The following SLC44A1 variants were observed in gnomAD, a reference collection of about 807,000 sequenced individuals.
SLC44A1 encodes the protein solute carrier family 44 member 1.
In SLC44A1, 26 loss-of-function variants were observed where a neutral mutation model predicts 79.3. That is an observed-to-expected ratio of 0.33 (90% CI 0.24 to 0.46). The LOEUF (loss-of-function observed/expected upper bound fraction) is 0.46. Ranked by LOEUF, SLC44A1 falls within the 20% of genes least tolerant of loss-of-function variation. The pLI is 1.00. For synonymous variants in SLC44A1, 263 were observed against 286.2 expected, an observed-to-expected ratio of 0.92 and a Z score of 0.82; for missense variants, 688 against 798.1, an observed-to-expected ratio of 0.86 and a Z score of 1.66.
intron 4 of SLC44A1, among the ~76,000 whole-genome samples, chr9:105,346,468 C>T (rs539295053): frequency 2.7e-4 from 41 of 152,204 alleles, no homozygotes; most frequent in African/African-American, 9.4e-4. Context: ...TTGTGCAAAT[C>T]GATTCCATCT....
At chr9:105,327,607 G>A (rs536813496) in intron 3 of SLC44A1, among the ~76,000 whole-genome samples, 1 of 152,144 alleles carries the variant, frequency 6.6e-6, no homozygotes, top group Non-Finnish European at 1.5e-5. Context: ...CAGCTTGCCT[G>A]TCCAGCCGTC....
At chr9:105,307,753 G>A (rs1831071737) in intron 2 of SLC44A1, among the ~76,000 whole-genome samples, 1 of 152,088 alleles carries the variant, frequency 6.6e-6, no homozygotes, top group Admixed American at 6.5e-5. Flanking sequence ...GGAATTCAAA[G>A]ATATGCTTAA....
chr9:105,290,692 G>A (rs1055700488), intron 1 of SLC44A1, among the ~76,000 whole-genome samples: 1 of 152,170 alleles, frequency 6.6e-6, no homozygotes, highest in Non-Finnish European at 1.5e-5. Flanking sequence ...GGAATTGGAG[G>A]CAGAATGAAG....
At chr9:105,253,385 G>C (rs1199850270) in intron 1 of SLC44A1, among the ~76,000 whole-genome samples, 1 of 152,160 alleles carries the variant, frequency 6.6e-6, no homozygotes, top group Admixed American at 6.5e-5. Context: ...TCATGATTAT[G>C]ATCTCAGAAA....
At chr9:105,273,212 G>A (rs913682631) in intron 1 of SLC44A1, among the ~76,000 whole-genome samples, 1 of 152,050 alleles carries the variant, frequency 6.6e-6, no homozygotes, top group Admixed American at 6.6e-5. Context: ...GGCTCATCTC[G>A]AACTCCCGAC....
chr9:105,310,138 A>G (rs1293810863), intron 3 of SLC44A1, among the ~76,000 whole-genome samples: 1 of 151,494 alleles, frequency 6.6e-6, no homozygotes, highest in East Asian at 1.9e-4. Flanking sequence ...TGAAAAGGTT[A>G]TTCTTTTACT....
At chr9:105,434,335 C>T (rs1829436760) in intron 15 of SLC44A1, among the ~76,000 whole-genome samples, 1 of 149,656 alleles carries the variant, frequency 6.7e-6, no homozygotes, top group Non-Finnish European at 1.5e-5. Flanking sequence ...AGCGAGACTC[C>T]ATCTCAAAAA....
intron 1 of SLC44A1, among the ~76,000 whole-genome samples, chr9:105,267,076 A>G (rs1356219497): frequency 6.6e-6 from 1 of 152,126 alleles, no homozygotes; most frequent in African/African-American, 2.4e-5. Flanking sequence ...TTACTGAGAA[A>G]GGCTCCATGA....
chr9:105,252,347 A>C (rs1829607783), intron 1 of SLC44A1, among the ~76,000 whole-genome samples: 1 of 152,210 alleles, frequency 6.6e-6, no homozygotes, highest in African/African-American at 2.4e-5. Context: ...GTAGGTACTC[A>C]TGAAATATTT....
At chr9:105,415,454 A>C (rs527972231) in intron 15 of SLC44A1, among the ~76,000 whole-genome samples, 1 of 152,362 alleles carries the variant, frequency 6.6e-6, no homozygotes, top group Non-Finnish European at 1.5e-5. Flanking sequence ...ATGGACACGC[A>C]TGCTGTTCCA....
At chr9:105,369,468 C>T (rs1828037327) in intron 12 of SLC44A1, among the ~76,000 whole-genome samples, 1 of 152,122 alleles carries the variant, frequency 6.6e-6, no homozygotes. Flanking sequence ...ATGACCTAAT[C>T]ACCTCCTGAA....
chr9:105,250,390 T>C (rs890872358), intron 1 of SLC44A1, among the ~76,000 whole-genome samples: 2 of 152,184 alleles, frequency 1.3e-5, no homozygotes, highest in Admixed American at 1.3e-4. Flanking sequence ...GTACAGTCAT[T>C]TAAAAATGTT....
chr9:105,397,422 T>C, downstream of SLC44A1: 1 of 930,080 alleles, frequency 1.1e-6, no homozygotes, highest in Non-Finnish European at 1.3e-6. Flanking sequence ...AACATCTTCG[T>C]TTCAAATTAG....
chr9:105,336,989 G>A (rs2131362199), intron 4 of SLC44A1, among the ~76,000 whole-genome samples: 1 of 152,272 alleles, frequency 6.6e-6, no homozygotes, highest in African/African-American at 2.4e-5. Context: ...ATAAGATGAT[G>A]TATGAAGAAT....
intron 9 of SLC44A1, among the ~76,000 whole-genome samples, 163 bp downstream of exon 9, chr9:105,363,170 C>CTT (rs35157236): frequency 0.1 from 14,977 of 149,208 alleles, 1,886 homozygotes; most frequent in African/African-American, 0.3. Flanking sequence ...TCATATTCGT[C>CTT]TTTTTTTTTT....
chr9:105,262,145 C>G (rs1452563621), intron 1 of SLC44A1, among the ~76,000 whole-genome samples: 1 of 152,006 alleles, frequency 6.6e-6, no homozygotes, highest in African/African-American at 2.4e-5. Context: ...CTGATAATTC[C>G]TTGCTAGATT....
intron 15 of SLC44A1, among the ~76,000 whole-genome samples, chr9:105,433,914 A>G (rs1829431505): frequency 6.6e-6 from 1 of 152,218 alleles, no homozygotes; most frequent in Non-Finnish European, 1.5e-5. Flanking sequence ...GAAAGTCTCT[A>G]CCATGAAAGA....
chr9:105,376,967 C>A (rs1467851100), intron 13 of SLC44A1, among the ~76,000 whole-genome samples: 1 of 152,200 alleles, frequency 6.6e-6, no homozygotes, highest in African/African-American at 2.4e-5. Context: ...AGTTATTAAT[C>A]ACTGTGTGCT....
chr9:105,280,663 G>A (rs944458950), intron 1 of SLC44A1, among the ~76,000 whole-genome samples: 4 of 152,154 alleles, frequency 2.6e-5, no homozygotes, highest in African/African-American at 9.7e-5. Context: ...CTAAAGTCAA[G>A]TTGATTTGGC....
Sources: allele counts gnomAD v4.1 joint callset (sites outside exome capture counted in the v4.1 genomes callset), GRCh38; gene constraint gnomAD v4.1.1; transcripts MANE v1.5; gene names NCBI Gene and HGNC (gene_info 2026-07-23, HGNC 2026-07-21).